The following TRABD variants were observed in gnomAD, a reference collection of about 807,000 sequenced individuals.
TRABD encodes TraB domain containing, also known as traB domain-containing protein.
Under a neutral mutation model 39.6 loss-of-function variants are expected in TRABD, and 23 were observed. That is an observed-to-expected ratio of 0.58 (90% CI 0.42 to 0.82). The LOEUF (loss-of-function observed/expected upper bound fraction) is 0.82, where lower values mean the gene tolerates loss of function less well. Among genes scored for constraint, TRABD ranks in the 40% least tolerant of loss-of-function variants. The pLI, the probability that TRABD is intolerant of heterozygous loss-of-function variation, is 0.00. For synonymous variants in TRABD, 243 were observed against 232.1 expected, an observed-to-expected ratio of 1.05 and a Z score of -0.43; for missense variants, 487 against 544.9, an observed-to-expected ratio of 0.89 and a Z score of 1.06.
Position 50,199,428 on chromosome 22 carries a change from C to G in TRABD, c.*909C>G, listed in dbSNP as rs1219021079. ...GTGCGGGGCCTCCCTCCTGGCTGTCCAGGACACAGCCCGTGCAGCCCCAGC... is the reference window on the plus strand; with the variant it reads ...GTGCGGGGCCTCCCTCCTGGCTGTCGAGGACACAGCCCGTGCAGCCCCAGC... On this transcript the variant is annotated 3_prime_UTR_variant, in exon 10 of 10. Transcript: ENST00000380909. 1 of 318,070 alleles carries G rather than the reference C, an allele frequency of 3.1e-6. No individual in the cohort carries two copies. Among genetic ancestry groups the G allele is most frequent in the Non-Finnish European group, 5.8e-6 (1 of 171,972 alleles). The allele number at this position is 318,070 out of a possible 1,614,324, so 19.7% of individuals were successfully genotyped here.
At chr22:50,187,767 C>A (rs1000557438) in intron 1 of TRABD, among the ~76,000 whole-genome samples, 1 of 152,018 alleles carries the variant, frequency 6.6e-6, no homozygotes, top group Non-Finnish European at 1.5e-5. Flanking sequence ...ATCACGAGGT[C>A]AGGAGATGGA....
chr22:50,193,432 T>G, intron 2 of TRABD, 144 bp from the exon 3 acceptor site: 1 of 775,688 alleles, frequency 1.3e-6, no homozygotes, highest in Non-Finnish European at 2.1e-6. Context: ...CGTGGAGCGG[T>G]CACGGGCCCT....
intron 4 of TRABD, 43 bp from the exon 5 acceptor site, chr22:50,194,857 G>A (rs2064042175): frequency 1.3e-6 from 2 of 1,595,030 alleles, no homozygotes; most frequent in South Asian, 1.1e-5. Flanking sequence ...CTGAGGGGCA[G>A]GGAGCGGCTG....
At chr22:50,197,764 G>GGGCCCCCCCCCCCCCC in intron 7 of TRABD, 59 bp from the exon 8 acceptor site, 1 of 1,284,748 alleles carries the variant, frequency 7.8e-7, no homozygotes, top group Non-Finnish European at 1.1e-6. Flanking sequence ...CACAGTGCCA[G>GGGCCCCCCCCCCCCCC]CCCCACCCCC....
intron 3 of TRABD, 151 bp from the exon 4 acceptor site, chr22:50,194,189 C>A: frequency 1.0e-6 from 1 of 1,003,754 alleles, no homozygotes; most frequent in Non-Finnish European, 1.4e-6. Flanking sequence ...GCAGGCAAAG[C>A]CTGTGGAGTG....
In TRABD at chr22:50,194,280, G is replaced by A. The variant is rs555925908; in HGVS notation, c.113-60G>A. 8.9e-6 allele frequency: 14 copies of A among 1,573,600 alleles called. No homozygotes were observed. The East Asian group carries it at 1.3e-4, about 15-fold the overall frequency. ...GGGTTCTAGAGCCCAGGCTGCCAGC[G>A]GGCCCGGCGGCGTCCTTGGGGTGGG... On this transcript the variant is annotated intron_variant, in intron 3 of 9. Transcript: ENST00000380909.
chr22:50,187,973 C>G (rs923292097), intron 1 of TRABD, among the ~76,000 whole-genome samples: 1 of 151,362 alleles, frequency 6.6e-6, no homozygotes, highest in African/African-American at 2.4e-5. Flanking sequence ...GAGTGTGACT[C>G]TGTCTCAAAA....
chr22:50,195,677 T>A (rs1403082117), intron 5 of TRABD, among the ~76,000 whole-genome samples: 2 of 152,034 alleles, frequency 1.3e-5, no homozygotes, highest in Admixed American at 1.3e-4. Context: ...TTGCCCAGGT[T>A]CATCTCAAAC....
At position 50,193,637 on chromosome 22, in the gene TRABD, G is replaced by C; in HGVS notation, c.95G>C (p.Gly32Ala). ...ASEPVPRVLS[G>A]DPQNLSDVDA... Reference sequence around the variant, plus strand: ...GAGCCGGTGCCCAGGGTGCTTTCTGGAGACCCCCAGAACCTGTGTACGTGT... The same window carrying C: ...GAGCCGGTGCCCAGGGTGCTTTCTGCAGACCCCCAGAACCTGTGTACGTGT... Residue 32 changes from glycine to alanine, a missense_variant, in exon 3 of 10, where the codon GGA (glycine) becomes GCA (alanine). By Grantham distance (60) the Gly-to-Ala change is moderately conservative. Around this residue, in one of 3 missense-constraint regions of TRABD, gnomAD observed 358 missense variants for 414.7 expected, o/e 0.86. Coordinates refer to ENST00000380909, the MANE Select transcript of TRABD (RefSeq NM_001320485.2). The C allele has an allele frequency of 6.2e-7, 1 of 1,613,788 alleles. No individual in the cohort carries two copies.
At position 50,198,088 on chromosome 22, in the gene TRABD, G is replaced by C; in HGVS notation, c.858G>C (p.Lys286Asn). 1 of 1,612,754 alleles carries C rather than the reference G, an allele frequency of 6.2e-7. No homozygotes were observed. The highest frequency in any genetic ancestry group is 2.2e-5 in the East Asian group (1 of 44,854). The change falls in exon 9 of 10, where the codon AAG (lysine) becomes AAC (asparagine). Residue 286 changes from lysine (K) to asparagine (N), a missense_variant. By Grantham distance (94) the Lys-to-Asn change is moderately conservative. This residue lies in a region of TRABD where 358 missense variants were observed against 414.7 expected (regional missense o/e 0.86). Transcript: ENST00000380909. This position sits in a 1 kb window ranked among gnomAD's most constrained non-coding sequence, Gnocchi z 7.9. ...LPRASDAEPR[K>N]CVPSVVVGVV... is the part of the protein sequence containing the mutation. ...CCTTCCCCACAGCCGAGCCCAGGAA[G>C]TGCGTCCCCTCCGTGGTCGTGGGCG... is the stretch of plus-strand genomic sequence containing the variant.
At chr22:50,190,449 G>C (rs1056827094) in intron 1 of TRABD, 2 of 152,324 alleles carry the variant, frequency 1.3e-5, no homozygotes, top group African/African-American at 2.4e-5. Context: ...AGGCGGGTCT[G>C]GCCAGGCTGG....
Position 50,198,600 on chromosome 22 carries a change from G to A in TRABD, c.*81G>A, listed in dbSNP as rs1319668972. The A allele has an allele frequency of 1.0e-5, 14 of 1,376,706 alleles. No individual in the cohort carries two copies. The highest frequency in any genetic ancestry group is 4.5e-5 in the African/African-American group (3 of 67,338). The allele number at this position is 1,376,706 out of a possible 1,614,324, so 85.3% of individuals were successfully genotyped here. ...CTGGGTGCCAGGTGCATCCTAGCCC[G>A]CCCGAGGCCCCTGCCACCCCCCATG... is the stretch of plus-strand genomic sequence containing the variant. On this transcript the variant is annotated 3_prime_UTR_variant, in exon 10 of 10. Coordinates refer to ENST00000380909, the MANE Select transcript of TRABD (RefSeq NM_001320485.2). The surrounding 1 kb of genome is among the most constrained non-coding windows in gnomAD (Gnocchi z 7.9).
At chr22:50,193,229 C>A in intron 2 of TRABD, 136 bp downstream of exon 2, 1 of 1,152,078 alleles carries the variant, frequency 8.7e-7, no homozygotes, top group Non-Finnish European at 1.2e-6. Flanking sequence ...AGGCAGGAGG[C>A]ACCTCCGAGG....
intron 5 of TRABD, among the ~76,000 whole-genome samples, chr22:50,196,677 C>T (rs1037593598): frequency 2.0e-5 from 3 of 152,100 alleles, no homozygotes; most frequent in South Asian, 2.1e-4. Flanking sequence ...CTTCGCAGAA[C>T]GAGACTGCCT....
At chr22:50,193,391 G>A (rs566399348) in intron 2 of TRABD, among the ~76,000 whole-genome samples, 185 bp from the exon 3 acceptor site, 27 of 152,134 alleles carry the variant, frequency 1.8e-4, no homozygotes, top group Non-Finnish European at 2.8e-4. Flanking sequence ...TACACAGAGC[G>A]GCCACGGGTC....
In TRABD at chr22:50,196,856, G is replaced by A. The variant is rs12157931; in HGVS notation, c.421-385G>A. 35 of 171,106 alleles carry A rather than the reference G, an allele frequency of 2.0e-4. 1 individual carries two copies. Among genetic ancestry groups the A allele is most frequent in the East Asian group, 1.2e-3 (7 of 5,868 alleles). The allele number at this position is 171,106 out of a possible 1,614,324, so 10.6% of individuals were successfully genotyped here. A position where few individuals can be genotyped will look rare whatever the true frequency, so the allele number is the denominator to read the frequency against. On this transcript the variant is annotated intron_variant, in intron 5 of 9. Transcript: ENST00000380909. The stretch of plus-strand genomic sequence containing the variant: ...ATTACAGGCACCCGCCAGCACACCC[G>A]GCTAATTTTTATATTTTTAGTAGAG...
chr22:50,198,974 C>T lies in TRABD; in HGVS notation c.*455C>T. On this transcript the variant is annotated 3_prime_UTR_variant, in exon 10 of 10. Coordinates refer to ENST00000380909, the MANE Select transcript of TRABD (RefSeq NM_001320485.2). This position sits in a 1 kb window ranked among gnomAD's most constrained non-coding sequence, Gnocchi z 7.9. ...AGGCGAGACTGGGAAAGGCCCAGCC[C>T]TGGAGCTCCAGCCGACCCCACCGTG... 2 of 625,960 alleles carry T rather than the reference C, an allele frequency of 3.2e-6. No individual in the cohort carries two copies. The highest frequency in any genetic ancestry group is 2.9e-6 in the Non-Finnish European group (1 of 339,204). The allele number at this position is 625,960 out of a possible 1,614,324, so 38.8% of individuals were successfully genotyped here.
Position 50,198,284 on chromosome 22 carries a change from T to C in TRABD, c.957-61T>C. ...ACCACATGCGGCAGTGACCCAGGCA[T>C]GGGGGCTGGGGTATGGGGAGCCCAC... is the stretch of plus-strand genomic sequence containing the variant. On this transcript the variant is annotated intron_variant, in intron 9 of 9. Transcript: ENST00000380909. The surrounding 1 kb of genome is among the most constrained non-coding windows in gnomAD (Gnocchi z 7.9). 2.0e-6 allele frequency: 3 copies of C among 1,488,038 alleles called. No homozygotes were observed. The highest frequency in any genetic ancestry group is 1.2e-5 in the South Asian group (1 of 81,150). The allele number at this position is 1,488,038 out of a possible 1,614,324, so 92.2% of individuals were successfully genotyped here. A position where few individuals can be genotyped will look rare whatever the true frequency, so the allele number is the denominator to read the frequency against.
At chr22:50,190,376 C>T (rs2063865248) in intron 1 of TRABD, among the ~76,000 whole-genome samples, 1 of 152,172 alleles carries the variant, frequency 6.6e-6, no homozygotes, top group South Asian at 2.1e-4. Context: ...AGGACCAGCG[C>T]CTGCTGCTGC....
Sources: allele counts gnomAD v4.1 joint callset (sites outside exome capture counted in the v4.1 genomes callset), GRCh38; gene constraint gnomAD v4.1.1; regional missense constraint gnomAD v4.1.1; non-coding constraint Gnocchi (gnomAD v3.1); transcripts MANE v1.5; gene names NCBI Gene and HGNC (gene_info 2026-07-23, HGNC 2026-07-21).